ZNF131: variants seen among roughly 807,000 people sequenced by gnomAD.
The protein encoded by ZNF131 is zinc finger and BTB domain containing 35.
ZNF131 carries 7 observed loss-of-function variants against 60.0 expected under a neutral mutation model. That is an observed-to-expected ratio of 0.12 (90% confidence interval 0.07 to 0.22). The LOEUF is 0.22. Among genes scored for constraint, ZNF131 ranks in the 10% least tolerant of loss-of-function variants. The probability of loss-of-function intolerance (pLI) is 1.00; values close to 1 mark genes in which losing one functional copy is unlikely to be tolerated. For missense variants in ZNF131, 493 were observed against 740.9 expected (o/e 0.67, Z 3.88); for synonymous variants, 257 against 253.2 (o/e 1.01, Z -0.14).
At chr5:43,158,345 A>G (rs1056410766) in intron 4 of ZNF131, among the ~76,000 whole-genome samples, 7 of 151,648 alleles carry the variant, frequency 4.6e-5, no homozygotes, top group African/African-American at 1.7e-4. Flanking sequence ...GCTGGAGTGC[A>G]ATGGCACGAT....
At chr5:43,156,453 G>A (rs1223490712) in intron 4 of ZNF131, among the ~76,000 whole-genome samples, 2 of 152,216 alleles carry the variant, frequency 1.3e-5, no homozygotes, top group Admixed American at 1.3e-4. Context: ...GAGGGTAGAG[G>A]AGGAAGAGAT....
At chr5:43,172,603 C>CA (rs1751132684) in intron 5 of ZNF131, among the ~76,000 whole-genome samples, 1 of 144,122 alleles carries the variant, frequency 6.9e-6, no homozygotes, top group Non-Finnish European at 1.5e-5. Context: ...GCCTAGGTGA[C>CA]AGAGTAAGAC....
At chr5:43,168,687 G>C (rs1177797883) in intron 5 of ZNF131, among the ~76,000 whole-genome samples, 1 of 152,202 alleles carries the variant, frequency 6.6e-6, no homozygotes, top group Admixed American at 6.5e-5. Context: ...ATTCTAGAGA[G>C]ATGACTGGCA....
Position 43,175,016 on chromosome 5 carries a change from T to G in ZNF131, c.1755T>G (p.Ala585=). The G allele has an allele frequency of 6.2e-7, 1 of 1,614,130 alleles. No homozygotes were observed. Among genetic ancestry groups the G allele is most frequent in the Non-Finnish European group, 8.5e-7 (1 of 1,180,014 alleles). Reference sequence around the variant, plus strand: ...GAGAGTCTAGCCAAGCAGATGCTGCTGAGGCTGCCAGGGAAGATCACGAAG... The same window carrying G: ...GAGAGTCTAGCCAAGCAGATGCTGCGGAGGCTGCCAGGGAAGATCACGAAG... ...EERESSQADA[A]EAAREDHEDA... is the part of the protein sequence containing the mutation. Residue 585 remains alanine (A), a synonymous_variant, in exon 7 of 7, where the codon GCT becomes GCG. Transcript: ENST00000682664.
At chr5:43,173,293 A>T (rs767242199) in intron 5 of ZNF131, 25 bp from the exon 6 acceptor site, 1 of 1,508,562 alleles carries the variant, frequency 6.6e-7, no homozygotes, top group South Asian at 1.4e-5. Flanking sequence ...TAATTTGCCA[A>T]CGTATCTTTT....
rs1751393817 is a variant in ZNF131, at chr5:43,174,801, A to G, written c.1540A>G (p.Ser514Gly). Residue 514 changes from serine (S) to glycine (G), a missense_variant, in exon 7 of 7, where the codon AGT becomes GGT. Coordinates refer to ENST00000682664, the MANE Select transcript of ZNF131 (RefSeq NM_001330707.2). ...CAGCCAGGTGCACGATTCACACATG[A>G]GTGAGCTTCCAGAGCAGGTCCAAGT... ...QDSQVHDSHM[S>G]ELPEQVQVSY... 1 of 1,614,070 alleles carries G rather than the reference A, an allele frequency of 6.2e-7. No homozygotes were observed. Among genetic ancestry groups the G allele is most frequent in the Admixed American group, 1.7e-5 (1 of 59,994 alleles).
At chr5:43,147,098 T>C (rs1186420567) in intron 4 of ZNF131, among the ~76,000 whole-genome samples, 1 of 152,174 alleles carries the variant, frequency 6.6e-6, no homozygotes, top group Non-Finnish European at 1.5e-5. Flanking sequence ...ATGTTTGACT[T>C]TATTTACCTT....
rs924444342 is a variant in ZNF131, at chr5:43,128,353, A to G, written c.226+5043A>G. On this transcript the variant is annotated intron_variant, in intron 3 of 6. Coordinates refer to ENST00000682664, the MANE Select transcript of ZNF131 (RefSeq NM_001330707.2). ...TTCCTAGGACAGTGTTGGGCTGGTCATATAAGTTAGAAGCACCTGGGAGCT... is the reference window on the plus strand; with the variant it reads ...TTCCTAGGACAGTGTTGGGCTGGTCGTATAAGTTAGAAGCACCTGGGAGCT... Among the ~76,000 whole-genome samples the G allele has an allele frequency of 9.9e-5, 15 of 152,260 alleles. 1 individual carries two copies. The highest frequency in any genetic ancestry group is 9.8e-4 in the Admixed American group (15 of 15,280).
chr5:43,163,492 C>A (rs146744378), intron 5 of ZNF131, among the ~76,000 whole-genome samples: 1 of 152,196 alleles, frequency 6.6e-6, no homozygotes, highest in Non-Finnish European at 1.5e-5. Flanking sequence ...GGGCCTCGCC[C>A]CACATAGTTC....
At chr5:43,150,582 G>A (rs1399147348) in intron 4 of ZNF131, among the ~76,000 whole-genome samples, 1 of 152,122 alleles carries the variant, frequency 6.6e-6, no homozygotes, top group Non-Finnish European at 1.5e-5. Context: ...CTGAGGTCAG[G>A]AGTTCGAGAC....
chr5:43,136,986 T>G (rs1746198544), intron 3 of ZNF131, among the ~76,000 whole-genome samples: 1 of 152,134 alleles, frequency 6.6e-6, no homozygotes, highest in Non-Finnish European at 1.5e-5. Context: ...CAACAAATGA[T>G]GTTGGAAGAA....
At chr5:43,147,496 C>T (rs966111459) in intron 4 of ZNF131, among the ~76,000 whole-genome samples, 9 of 151,712 alleles carry the variant, frequency 5.9e-5, no homozygotes, top group Admixed American at 1.3e-4. Flanking sequence ...CGGCTCACTG[C>T]GAGCTCCGCC....
chr5:43,153,765 C>G (rs1424120075), intron 4 of ZNF131, among the ~76,000 whole-genome samples: 1 of 152,168 alleles, frequency 6.6e-6, no homozygotes, highest in Non-Finnish European at 1.5e-5. Context: ...GACATGATCC[C>G]TTTCTAGGGA....
intron 4 of ZNF131, 69 bp from the exon 5 acceptor site, chr5:43,161,180 C>A (rs1749649194): frequency 7.4e-7 from 1 of 1,351,592 alleles, no homozygotes; most frequent in Non-Finnish European, 1.0e-6. Flanking sequence ...GCCACTTTAT[C>A]AGTTTCTTCA....
At chr5:43,123,432 C>A (rs575241660) in intron 3 of ZNF131, 122 bp downstream of exon 3, 1 of 770,694 alleles carries the variant, frequency 1.3e-6, no homozygotes, top group Non-Finnish European at 2.0e-6. Flanking sequence ...TTTATCAAGA[C>A]ACCATAGGAA....
intron 4 of ZNF131, among the ~76,000 whole-genome samples, chr5:43,148,915 C>T (rs535710331): frequency 9.3e-4 from 142 of 152,338 alleles, no homozygotes; most frequent in African/African-American, 3.2e-3. Context: ...TTCCTATCTT[C>T]ATCCCTACAA....
At chr5:43,143,205 T>C (rs1213199304) in intron 4 of ZNF131, among the ~76,000 whole-genome samples, 1 of 152,022 alleles carries the variant, frequency 6.6e-6, no homozygotes, top group Non-Finnish European at 1.5e-5. Context: ...GTATTTTTAG[T>C]AGAGATGGGG....
intron 4 of ZNF131, among the ~76,000 whole-genome samples, chr5:43,148,868 T>G (rs1747944807): frequency 6.6e-6 from 1 of 152,204 alleles, no homozygotes; most frequent in African/African-American, 2.4e-5. Context: ...CTCTCTAGTT[T>G]CCTTGTGCAA....
intron 3 of ZNF131, among the ~76,000 whole-genome samples, chr5:43,131,808 CA>C (rs36085217): frequency 0.31 from 40,321 of 131,186 alleles, 5,745 homozygotes; most frequent in East Asian, 0.63. Context: ...TGCGTATGTA[CA>C]AAAAAAAAAA....
Sources: allele counts gnomAD v4.1 joint callset (sites outside exome capture counted in the v4.1 genomes callset), GRCh38; gene constraint gnomAD v4.1.1; transcripts MANE v1.5; gene names NCBI Gene and HGNC (gene_info 2026-07-23, HGNC 2026-07-21).